Variants in SSUH2 observed in about 807,000 individuals in gnomAD.
The protein encoded by SSUH2 is ssu-2 homolog.
SSUH2 carries 47 observed loss-of-function variants against 55.3 expected under a neutral mutation model. The ratio of observed to expected loss-of-function variants is 0.85; its 90% CI spans 0.67 to 1.08. The LOEUF (loss-of-function observed/expected upper bound fraction) is 1.08. SSUH2 is among the 50% of genes least tolerant of loss of function. SSUH2 has a pLI of 0.00. For missense variants in SSUH2, 535 were observed against 490.7 expected (o/e 1.09, Z -0.85); for synonymous variants, 212 against 191.5 (o/e 1.11, Z -0.89).
intron 5 of SSUH2, among the ~76,000 whole-genome samples, chr3:8,665,668 A>G (rs1230087576): frequency 6.6e-6 from 1 of 152,208 alleles, no homozygotes; most frequent in African/African-American, 2.4e-5. Context: ...CAAAAGCCAA[A>G]CACACAAAAC....
intron 3 of SSUH2, among the ~76,000 whole-genome samples, chr3:8,635,072 A>C (rs1219807412): frequency 6.6e-6 from 1 of 152,222 alleles, no homozygotes; most frequent in Non-Finnish European, 1.5e-5. Flanking sequence ...GGAGTTTGCA[A>C]CCCTGATCTA....
chr3:8,623,632 G>A lies in SSUH2; in HGVS notation c.898C>T (p.Leu300=), dbSNP rs1292076985. 6.5e-7 allele frequency: 1 copy of A among 1,541,204 alleles called. No homozygotes were observed. The highest frequency in any genetic ancestry group is 8.8e-7 in the Non-Finnish European group (1 of 1,138,912). Residue 300 remains leucine, a synonymous_variant, in exon 11 of 12, where the codon CTG becomes TTG. Coordinates refer to ENST00000544814, the MANE Select transcript of SSUH2 (RefSeq NM_001256748.3). ...SVVYPIVDFP[L]RDISLASQRG... ...TGGGAGGCAAGAGAGATGTCTCGCA[G>A]AGGGAAGTCCACGATGGGGTACACC...
intron 2 of SSUH2, among the ~76,000 whole-genome samples, chr3:8,679,214 A>C (rs1309584884): frequency 8.2e-5 from 2 of 24,264 alleles, no homozygotes; most frequent in Middle Eastern, 0.056. Context: ...CGCAGGGGGG[A>C]TGGCACCCTC....
At chr3:8,681,768 G>T (rs567695431) in intron 1 of SSUH2, 80 of 151,488 alleles carry the variant, frequency 5.3e-4, no homozygotes, top group Non-Finnish European at 7.4e-4. Flanking sequence ...TCCCCCTCTG[G>T]CTCTTAGGAC....
chr3:8,681,775 G>C (rs1369564464), intron 1 of SSUH2: 2 of 151,224 alleles, frequency 1.3e-5, no homozygotes, highest in African/African-American at 4.9e-5. Flanking sequence ...CTGGCTCTTA[G>C]GACGCCCAGC....
intron 1 of SSUH2, among the ~76,000 whole-genome samples, chr3:8,681,691 C>T (rs1705964955): frequency 6.6e-6 from 1 of 151,560 alleles, no homozygotes; most frequent in Non-Finnish European, 1.5e-5. Flanking sequence ...CCCCCCGGCT[C>T]TTAGGACCCC....
At chr3:8,666,566 T>C (rs1704010866) in intron 5 of SSUH2, among the ~76,000 whole-genome samples, 1 of 152,128 alleles carries the variant, frequency 6.6e-6, no homozygotes, top group South Asian at 2.1e-4. Context: ...TCCCAAACCA[T>C]GTTTTTCCTC....
At chr3:8,639,697 G>A (rs886826228) in intron 1 of SSUH2, among the ~76,000 whole-genome samples, 2 of 152,192 alleles carry the variant, frequency 1.3e-5, no homozygotes. Context: ...GACTACAGAT[G>A]AGAAAGGAAA....
At chr3:8,658,204 A>G (rs1296730929) in intron 7 of SSUH2, among the ~76,000 whole-genome samples, 1 of 152,264 alleles carries the variant, frequency 6.6e-6, no homozygotes, top group Non-Finnish European at 1.5e-5. Context: ...GTAAGCAGTT[A>G]GCGGAGTGCC....
At chr3:8,663,685 C>T (rs1258838610) in intron 6 of SSUH2, 1 of 386,294 alleles carries the variant, frequency 2.6e-6, no homozygotes. Flanking sequence ...AATTGATTAA[C>T]TAACTCAGCC....
chr3:8,652,083 A>T (rs1702476989), intron 7 of SSUH2: 1 of 152,378 alleles, frequency 6.6e-6, no homozygotes. Flanking sequence ...ATGCACAGTG[A>T]TGACCAGGAA....
At chr3:8,634,561 G>A in intron 3 of SSUH2, 1 of 1,289,860 alleles carries the variant, frequency 7.8e-7, no homozygotes, top group Non-Finnish European at 1.0e-6. Context: ...GGGCCCGTCT[G>A]TCTTCAGATC....
intron 1 of SSUH2, among the ~76,000 whole-genome samples, chr3:8,642,282 T>C (rs980254800): frequency 6.6e-6 from 1 of 151,994 alleles, no homozygotes; most frequent in Non-Finnish European, 1.5e-5. Flanking sequence ...AAGAAAAGAG[T>C]GATTACCTCT....
At chr3:8,632,964 T>C (rs1699105553) in intron 4 of SSUH2, among the ~76,000 whole-genome samples, 1 of 152,190 alleles carries the variant, frequency 6.6e-6, no homozygotes, top group Admixed American at 6.5e-5. Context: ...CTGTCACTTC[T>C]AGCTGCATCT....
At chr3:8,665,495 CT>C (rs1451833464) in intron 5 of SSUH2, among the ~76,000 whole-genome samples, 1 of 152,166 alleles carries the variant, frequency 6.6e-6, no homozygotes, top group Non-Finnish European at 1.5e-5. Context: ...CCACAACATC[CT>C]TATTTGGAAG....
chr3:8,670,273 C>T (rs1299873659), intron 5 of SSUH2, among the ~76,000 whole-genome samples: 2 of 152,094 alleles, frequency 1.3e-5, no homozygotes, highest in Non-Finnish European at 2.9e-5. Context: ...CTCTGCCGAC[C>T]TTACAGATCA....
upstream of SSUH2, among the ~76,000 whole-genome samples, chr3:8,646,190 G>A (rs1203893952): frequency 5.9e-5 from 9 of 152,168 alleles, no homozygotes; most frequent in Non-Finnish European, 1.3e-4. Flanking sequence ...ATCTGTGTGA[G>A]CATCCATTGC....
intron 1 of SSUH2, among the ~76,000 whole-genome samples, chr3:8,637,127 G>T (rs117270045): frequency 6.6e-6 from 1 of 152,146 alleles, no homozygotes; most frequent in Non-Finnish European, 1.5e-5. Flanking sequence ...ACACACTCTC[G>T]TGACGCCAGG....
intron 8 of SSUH2, chr3:8,627,490 T>C (rs1697831729): frequency 2.4e-6 from 1 of 413,394 alleles, no homozygotes; most frequent in Non-Finnish European, 4.4e-6. Context: ...ATATATTGCA[T>C]GACGAGTTCC....
Sources: allele counts gnomAD v4.1 joint callset (sites outside exome capture counted in the v4.1 genomes callset), GRCh38; gene constraint gnomAD v4.1.1; transcripts MANE v1.5; gene names NCBI Gene and HGNC (gene_info 2026-07-23, HGNC 2026-07-21).